Variants in GTF2F2 observed in about 807,000 individuals in gnomAD.
The protein encoded by GTF2F2 is ATP-dependent helicase GTF2F2.
A neutral mutation model predicts 42.2 loss-of-function variants in GTF2F2; 23 were observed. That is an observed-to-expected ratio of 0.55 (90% confidence interval 0.39 to 0.77). The LOEUF is 0.77. Among genes scored for constraint, GTF2F2 ranks in the 30% least tolerant of loss-of-function variants. The pLI is 0.00. For missense variants in GTF2F2, 261 were observed against 287.2 expected, an observed-to-expected ratio of 0.91 and a Z score of 0.66; for synonymous variants, 105 against 100.8, an observed-to-expected ratio of 1.04 and a Z score of -0.25.
chr13:45,253,187 A>G (rs1288276287), intron 6 of GTF2F2, among the ~76,000 whole-genome samples: 1 of 152,064 alleles, frequency 6.6e-6, no homozygotes, highest in Admixed American at 6.5e-5. Flanking sequence ...TGGCAAAAAG[A>G]AGGCAACCAC....
intron 4 of GTF2F2, among the ~76,000 whole-genome samples, chr13:45,185,845 A>G (rs907558342): frequency 6.6e-6 from 1 of 152,192 alleles, no homozygotes; most frequent in Admixed American, 6.5e-5. Flanking sequence ...ACAGCTATGC[A>G]CAGTCTTTCT....
At chr13:45,274,154 G>A (rs1407376101) in intron 7 of GTF2F2, among the ~76,000 whole-genome samples, 2 of 152,016 alleles carry the variant, frequency 1.3e-5, no homozygotes, top group African/African-American at 2.4e-5. Flanking sequence ...TCCCAAGACA[G>A]CGAGTTCAAT....
chr13:45,128,597 T>C (rs1038981200), intron 1 of GTF2F2, among the ~76,000 whole-genome samples: 16 of 151,706 alleles, frequency 1.1e-4, no homozygotes, highest in African/African-American at 3.9e-4. Context: ...TATTTTATTT[T>C]ATTTTATTTT....
chr13:45,190,428 G>C (rs1872573465), intron 4 of GTF2F2, among the ~76,000 whole-genome samples: 1 of 152,154 alleles, frequency 6.6e-6, no homozygotes, highest in African/African-American at 2.4e-5. Context: ...CTAGGTGTTA[G>C]GGATATAAGT....
chr13:45,121,938 A>G (rs1021567648), intron 1 of GTF2F2, among the ~76,000 whole-genome samples: 3 of 152,186 alleles, frequency 2.0e-5, no homozygotes, highest in Non-Finnish European at 2.9e-5. Context: ...ACTGAAGGAA[A>G]AAGCTTGAAA....
intron 5 of GTF2F2, 25 bp from the exon 6 acceptor site, chr13:45,252,846 A>T: frequency 1.1e-6 from 1 of 938,218 alleles, no homozygotes; most frequent in Non-Finnish European, 1.6e-6. Context: ...CAAGAGTGTT[A>T]ATAATGCCTT....
intron 5 of GTF2F2, among the ~76,000 whole-genome samples, chr13:45,241,253 A>G (rs901846525): frequency 2.0e-5 from 3 of 151,724 alleles, no homozygotes; most frequent in Non-Finnish European, 4.4e-5. Context: ...CACTGTGCCT[A>G]CATTCCTACA....
chr13:45,233,782 G>A (rs1323051152), intron 5 of GTF2F2, among the ~76,000 whole-genome samples: 1 of 152,078 alleles, frequency 6.6e-6, no homozygotes, highest in East Asian at 1.9e-4. Flanking sequence ...GTGTGATGGT[G>A]TGCACCTGTA....
chr13:45,252,294 C>T (rs1875911054), intron 5 of GTF2F2, among the ~76,000 whole-genome samples: 2 of 152,170 alleles, frequency 1.3e-5, no homozygotes, highest in South Asian at 2.1e-4. Context: ...AGGCACTGTG[C>T]CTGGCTAATT....
At chr13:45,230,296 A>G (rs1274866065) in intron 5 of GTF2F2, among the ~76,000 whole-genome samples, 3 of 152,212 alleles carry the variant, frequency 2.0e-5, no homozygotes, top group Non-Finnish European at 4.4e-5. Flanking sequence ...AGCACTGCTG[A>G]TGAGAAAGCC....
chr13:45,234,873 C>T (rs992286160), intron 5 of GTF2F2, among the ~76,000 whole-genome samples: 2 of 151,672 alleles, frequency 1.3e-5, no homozygotes, highest in African/African-American at 4.8e-5. Context: ...TGGAGCAACC[C>T]CGTCTCTACT....
intron 4 of GTF2F2, chr13:45,206,682 T>C (rs1345400315): frequency 6.6e-6 from 1 of 152,254 alleles, no homozygotes; most frequent in Non-Finnish European, 1.5e-5. Flanking sequence ...CACACCACAA[T>C]GCTTGGTGGC....
At chr13:45,230,395 G>A (rs1874614835) in intron 5 of GTF2F2, among the ~76,000 whole-genome samples, 1 of 152,136 alleles carries the variant, frequency 6.6e-6, no homozygotes, top group East Asian at 1.9e-4. Context: ...GTGGTGGTGT[G>A]CACAAGTTAC....
Position 45,281,821 on chromosome 13 carries a change from C to A in GTF2F2, c.631-1621C>A, listed in dbSNP as rs116704521. Among the ~76,000 whole-genome samples, 508 of 152,324 alleles carry A rather than the reference C, an allele frequency of 3.3e-3. 1 individual carries two copies. Among genetic ancestry groups the A allele is most frequent in the African/African-American group, 0.012 (492 of 41,558 alleles). On this transcript the variant is annotated intron_variant, in intron 7 of 7. Transcript: ENST00000340473. The stretch of plus-strand genomic sequence containing the variant: ...ATCAATGGGATGAGTCATCATCATA[C>A]CGTAACTAGTTCTTTGAAGCACACG...
At chr13:45,278,622 G>A (rs1226275706) in intron 7 of GTF2F2, among the ~76,000 whole-genome samples, 1 of 151,684 alleles carries the variant, frequency 6.6e-6, no homozygotes, top group Non-Finnish European at 1.5e-5. Flanking sequence ...TTAAGTAAGA[G>A]GAGGAGAACT....
intron 4 of GTF2F2, among the ~76,000 whole-genome samples, chr13:45,157,956 A>G (rs906691373): frequency 6.6e-6 from 1 of 152,086 alleles, no homozygotes. Flanking sequence ...CTTTTTCTCT[A>G]TATATCCATG....
intron 4 of GTF2F2, among the ~76,000 whole-genome samples, chr13:45,152,172 C>G (rs1381245634): frequency 6.6e-6 from 1 of 152,188 alleles, no homozygotes; most frequent in African/African-American, 2.4e-5. Context: ...ACCTTGGCCT[C>G]CCAAAGTGCT....
chr13:45,270,951 CCA>C (rs1566157664), intron 7 of GTF2F2, among the ~76,000 whole-genome samples: 22 of 152,290 alleles, frequency 1.4e-4, no homozygotes, highest in African/African-American at 5.3e-4. Flanking sequence ...CGTTCATTTA[CCA>C]GTGTTCCTGT....
At chr13:45,263,419 A>G (rs981182232) in intron 6 of GTF2F2, among the ~76,000 whole-genome samples, 18 of 151,976 alleles carry the variant, frequency 1.2e-4, no homozygotes, top group Non-Finnish European at 1.9e-4. Context: ...TAGTAGAGAC[A>G]GGGTTTCACC....
Sources: allele counts gnomAD v4.1 joint callset (sites outside exome capture counted in the v4.1 genomes callset), GRCh38; gene constraint gnomAD v4.1.1; transcripts MANE v1.5; gene names NCBI Gene and HGNC (gene_info 2026-07-23, HGNC 2026-07-21).